Variants in AFF4 observed in about 807,000 individuals in gnomAD.
The protein encoded by AFF4 is AF4/FMR2 family member 4.
A neutral mutation model predicts 124.8 loss-of-function variants in AFF4; 13 were observed. That is an observed-to-expected ratio of 0.10 (90% CI 0.07 to 0.17). The LOEUF (loss-of-function observed/expected upper bound fraction) is 0.17. Among genes scored for constraint, AFF4 ranks in the 10% least tolerant of loss-of-function variants. AFF4 has a pLI of 1.00. For synonymous variants in AFF4, 477 were observed against 496.1 expected (o/e 0.96, Z 0.51); for missense variants, 1,092 against 1,403.8 (o/e 0.78, Z 3.55).
At chr5:132,963,171 G>C (rs1762120211) in intron 1 of AFF4, 88 bp downstream of exon 1, 1 of 378,316 alleles carries the variant, frequency 2.6e-6, no homozygotes, top group Non-Finnish European at 4.7e-6. Flanking sequence ...GCTCCCCGCA[G>C]AACTTGCGGG....
intron 3 of AFF4, among the ~76,000 whole-genome samples, chr5:132,933,253 C>T (rs986714756): frequency 2.6e-5 from 4 of 152,072 alleles, no homozygotes; most frequent in Non-Finnish European, 5.9e-5. Flanking sequence ...CAAAATTAGC[C>T]GGGCATGGTG....
In AFF4 at chr5:132,877,635, A is replaced by T. The variant is rs1759872374; in HGVS notation, c.*3424T>A. ...CTCCTCCTCTATATAACTAGGCATCACTGACTGGAACAATCACTGGCTGCT... is the reference window on the plus strand; with the variant it reads ...CTCCTCCTCTATATAACTAGGCATCTCTGACTGGAACAATCACTGGCTGCT... On this transcript the variant is annotated 3_prime_UTR_variant, in exon 21 of 21. Transcript: ENST00000265343. 1 of 210,566 alleles carries T rather than the reference A, an allele frequency of 4.7e-6. No homozygotes were observed. The highest frequency in any genetic ancestry group is 5.9e-5 in the Admixed American group (1 of 16,956). The allele number at this position is 210,566 out of a possible 1,614,324, so 13.0% of individuals were successfully genotyped here.
intron 1 of AFF4, among the ~76,000 whole-genome samples, chr5:132,942,006 CAA>C (rs781367169): frequency 2.9e-4 from 29 of 100,660 alleles, no homozygotes; most frequent in Admixed American, 2.2e-4. Flanking sequence ...GACTCCATCT[CAA>C]AAAAAAAAAA....
rs1581264701 is a variant in AFF4 at position 132,881,101 on chromosome 5, C to T, written c.3450G>A (p.Gln1150=). The change falls in exon 21 of 21, where the codon CAG becomes CAA. Residue 1150 remains glutamine (Q), a synonymous_variant. Transcript: ENST00000265343. ...CATCCTGGCGAAGCCAGTGCAGTCC[C>T]TGCCGGGTATAACGAACTAGATCTG... ...IMTDLVRYTR[Q]GLHWLRQDAK... 6.2e-7 allele frequency: 1 copy of T among 1,614,198 alleles called. No homozygotes were observed. The highest frequency in any genetic ancestry group is 8.5e-7 in the Non-Finnish European group (1 of 1,180,030).
rs70974061 is a variant in AFF4, at chr5:132,916,238, CAAAAAAAA to C, written c.1050+10875_1050+10882del. On this transcript the variant is annotated intron_variant, in intron 5 of 20. Coordinates refer to ENST00000265343, the MANE Select transcript of AFF4 (RefSeq NM_014423.4). ...TGGGTGACAGAGTAAGATGCTGTCT[CAAAAAAAA>C]AAAAAAAAAAAAAAAAAAAAGAATC... 2.6e-4 allele frequency among the ~76,000 whole-genome samples: 13 copies of C among 50,684 alleles called. No homozygotes were observed. The South Asian group carries it at 2.7e-3, about 10-fold the overall frequency. 33.3% of individuals were successfully genotyped at this position (50,684 alleles called of 152,430 possible).
intron 5 of AFF4, among the ~76,000 whole-genome samples, chr5:132,916,160 GC>G (rs1760904185): frequency 6.9e-6 from 1 of 143,958 alleles, no homozygotes; most frequent in African/African-American, 2.6e-5. Flanking sequence ...AATCACTTGA[GC>G]TTGGGAAGCG....
At chr5:132,886,209 C>G in intron 18 of AFF4, 101 bp downstream of exon 18, 1 of 964,860 alleles carries the variant, frequency 1.0e-6, no homozygotes, top group Admixed American at 2.2e-5. Flanking sequence ...AGCTCCTCCC[C>G]TGGTGTGTTT....
chr5:132,957,663 C>T (rs1213517677), intron 1 of AFF4, among the ~76,000 whole-genome samples: 2 of 151,880 alleles, frequency 1.3e-5, no homozygotes, highest in Non-Finnish European at 1.5e-5. Flanking sequence ...ATCCAGGAAG[C>T]GGAGGTTGCA....
intron 5 of AFF4, among the ~76,000 whole-genome samples, chr5:132,918,471 C>T (rs970504459): frequency 2.6e-5 from 4 of 151,960 alleles, no homozygotes; most frequent in South Asian, 2.1e-4. Flanking sequence ...AGACCACCCT[C>T]GTCAACATGG....
rs528331022 is a variant in AFF4, at chr5:132,878,489, G to C, written c.*2570C>G. On this transcript the variant is annotated 3_prime_UTR_variant, in exon 21 of 21. Transcript: ENST00000265343. ...CACCTATTGAGGAGGGAGGGGGGAA[G>C]GTCACCTGTAAAGGAGTCCAAAGTA... 1,282 of 232,434 alleles carry C rather than the reference G, an allele frequency of 5.5e-3. 6 individuals carry two copies. Among genetic ancestry groups the C allele is most frequent in the Middle Eastern group, 0.024 (19 of 784 alleles). 14.4% of individuals were successfully genotyped at this position (232,434 alleles called of 1,614,324 possible).
rs199701495 is a variant in AFF4 at position 132,892,315 on chromosome 5, C to G, written c.2486G>C (p.Gly829Ala). Residue 829 changes from glycine (G) to alanine (A), a missense_variant, in exon 13 of 21, where the codon GGC becomes GCC. Gly to Ala is a moderately conservative substitution (Grantham distance 60, BLOSUM62 0). Transcript: ENST00000265343. ...CTGACTAATAGTCCTCTTCCGAGAG[C>G]CATGCTCTGTTTTTGGATCTTTTGA... Reference protein sequence around the residue: ...VPSKDPKTEHGSRKRTISQSS... With the variant: ...VPSKDPKTEHASRKRTISQSS... The G allele has an allele frequency of 1.2e-6, 2 of 1,613,990 alleles. No homozygotes were observed. The highest frequency in any genetic ancestry group is 1.7e-6 in the Non-Finnish European group (2 of 1,180,028).
chr5:132,891,877 C>T, intron 13 of AFF4: 1 of 484,266 alleles, frequency 2.1e-6, no homozygotes, highest in East Asian at 3.0e-5. Flanking sequence ...GACTCAAATT[C>T]CTCAAATGAT....
At chr5:132,909,404 A>G (rs1035744366) in intron 5 of AFF4, among the ~76,000 whole-genome samples, 7 of 152,204 alleles carry the variant, frequency 4.6e-5, no homozygotes, top group Non-Finnish European at 1.0e-4. Flanking sequence ...CAGCCTCCCC[A>G]GGTGCTGGGA....
intron 1 of AFF4, among the ~76,000 whole-genome samples, chr5:132,962,801 C>T (rs1762109081): frequency 1.5e-5 from 2 of 133,484 alleles, no homozygotes; most frequent in African/African-American, 6.5e-5. Flanking sequence ...GAAATTTTTC[C>T]TTCTTTTTTT....
intron 7 of AFF4, chr5:132,901,251 T>G: frequency 1.6e-6 from 1 of 629,410 alleles, no homozygotes; most frequent in Middle Eastern, 8.1e-4. Context: ...CTCAGGGCCC[T>G]GCACGCTTTT....
intron 5 of AFF4, among the ~76,000 whole-genome samples, chr5:132,909,077 A>G (rs1017433782): frequency 1.3e-5 from 2 of 150,724 alleles, no homozygotes; most frequent in Non-Finnish European, 2.9e-5. Context: ...CCGCTCAAGC[A>G]TATCTTTTAG....
At chr5:132,941,015 A>C (rs1461382158) in intron 1 of AFF4, among the ~76,000 whole-genome samples, 1 of 143,144 alleles carries the variant, frequency 7.0e-6, no homozygotes, top group Non-Finnish European at 1.5e-5. Flanking sequence ...TGACAAAACG[A>C]AACTACATCT....
intron 13 of AFF4, among the ~76,000 whole-genome samples, chr5:132,889,973 G>A (rs963961707): frequency 2.0e-5 from 3 of 151,950 alleles, no homozygotes; most frequent in African/African-American, 7.3e-5. Flanking sequence ...AGCCCTTTAT[G>A]AAAGAGCTAT....
intron 1 of AFF4, among the ~76,000 whole-genome samples, chr5:132,946,978 A>T (rs970715939): frequency 1.3e-5 from 2 of 152,046 alleles, no homozygotes; most frequent in Admixed American, 1.3e-4. Flanking sequence ...AATCGCTTGA[A>T]CCCGGGAAGC....
Sources: gnomAD v4.1 joint callset for allele counts (sites outside exome capture counted in the v4.1 genomes callset) on GRCh38, gnomAD v4.1.1 for gene constraint, MANE v1.5 for transcripts, NCBI Gene and HGNC (gene_info 2026-07-23, HGNC 2026-07-21) for gene names.